The following NTN4 variants were observed in gnomAD, a reference collection of about 807,000 sequenced individuals.
The protein encoded by NTN4 is netrin-4.
Under a neutral mutation model 73.6 loss-of-function variants are expected in NTN4, and 32 were observed. That is an observed-to-expected ratio of 0.44 (90% CI 0.33 to 0.58). The LOEUF is 0.58. Among genes scored for constraint, NTN4 ranks in the 20% least tolerant of loss-of-function variants. The pLI, the probability that NTN4 is intolerant of heterozygous loss-of-function variation, is 0.04. For synonymous variants in NTN4, 258 were observed against 287.5 expected (o/e 0.90, Z 1.04); for missense variants, 654 against 798.3 (o/e 0.82, Z 2.18).
At chr12:95,678,777 AC>A (rs887275149) in intron 7 of NTN4, among the ~76,000 whole-genome samples, 46 of 151,010 alleles carry the variant, frequency 3.0e-4, no homozygotes, top group African/African-American at 1.1e-3. Flanking sequence ...AGCTCAAAAT[AC>A]AAAAAAAAAG....
At chr12:95,672,878 G>C in intron 7 of NTN4, 1 of 1,339,886 alleles carries the variant, frequency 7.5e-7, no homozygotes, top group East Asian at 2.3e-5. Flanking sequence ...AGCCTCCGGG[G>C]CATTGTCAAG....
intron 9 of NTN4, among the ~76,000 whole-genome samples, chr12:95,662,057 T>C (rs746454924): frequency 6.6e-6 from 1 of 152,142 alleles, no homozygotes; most frequent in South Asian, 2.1e-4. Context: ...TATACTATGA[T>C]ATCGTTTTGG....
chr12:95,716,555 T>C (rs1268932948), intron 3 of NTN4, among the ~76,000 whole-genome samples: 5 of 152,130 alleles, frequency 3.3e-5, no homozygotes, highest in African/African-American at 1.2e-4. Flanking sequence ...TTCTCTTTTT[T>C]TAAAAATATT....
Position 95,735,943 on chromosome 12 carries a change from TTATTTA to T in NTN4, c.864+1917_864+1922del, listed in dbSNP as rs1230245507. Among the ~76,000 whole-genome samples, 341 of 150,248 alleles carry T rather than the reference TTATTTA, an allele frequency of 2.3e-3. 1 individual carries two copies. The highest frequency in any genetic ancestry group is 8.0e-3 in the African/African-American group (329 of 40,914). On this transcript the variant is annotated intron_variant, in intron 3 of 9. Transcript: ENST00000343702. ...TTTATTTATTTATTTATTTATTTATTTATTTATTTTTTTGAGACAGAGTCTTGCTTT... is the reference window on the plus strand; with the variant it reads ...TTTATTTATTTATTTATTTATTTATTTTTTTTTGAGACAGAGTCTTGCTTT...
rs911944017 is a variant in NTN4, at chr12:95,672,875, G to A, written c.1511-2729C>T. 1.8e-5 allele frequency: 25 copies of A among 1,353,128 alleles called. No individual in the cohort carries two copies. The South Asian group carries it at 2.2e-4, about 12-fold the overall frequency. 83.8% of individuals were successfully genotyped at this position (1,353,128 alleles called of 1,614,324 possible). A position where few individuals can be genotyped will look rare whatever the true frequency, so the allele number is the denominator to read the frequency against. ...ATTGCAGCCCATGGCAACAGCCTCC[G>A]GGGCATTGTCAAGCATCTGGAAGGT... On this transcript the variant is annotated intron_variant, in intron 7 of 9. Transcript: ENST00000343702.
intron 2 of NTN4, among the ~76,000 whole-genome samples, chr12:95,766,843 G>A (rs890459825): frequency 6.6e-6 from 1 of 152,200 alleles, no homozygotes; most frequent in African/African-American, 2.4e-5. Flanking sequence ...GTATACTGTT[G>A]ACTCACGTTG....
Position 95,698,786 on chromosome 12 carries a change from G to GT in NTN4, c.1180+11654dup, listed in dbSNP as rs575973932. 2.5e-4 allele frequency among the ~76,000 whole-genome samples: 38 copies of GT among 152,078 alleles called. No homozygotes were observed. In the East Asian group the frequency reaches 7.3e-3, roughly 29 times the overall value. ...GCAGGAGAATTGCTTGAGCCCAGGAGTTTGAGGCTGCAATGAGCCATGTTC... is the reference window on the plus strand; with the variant it reads ...GCAGGAGAATTGCTTGAGCCCAGGAGTTTTGAGGCTGCAATGAGCCATGTTC... On this transcript the variant is annotated intron_variant, in intron 5 of 9. Transcript: ENST00000343702.
chr12:95,718,422 G>A (rs2078623576), intron 3 of NTN4, among the ~76,000 whole-genome samples: 1 of 152,204 alleles, frequency 6.6e-6, no homozygotes, highest in Non-Finnish European at 1.5e-5. Context: ...TGCTTACCAA[G>A]ATTGTTGTAG....
chr12:95,765,897 A>C (rs1276091617), intron 2 of NTN4, among the ~76,000 whole-genome samples: 1 of 152,190 alleles, frequency 6.6e-6, no homozygotes, highest in Non-Finnish European at 1.5e-5. Flanking sequence ...TTGAGTGTGC[A>C]ATGAGAGAGA....
intron 3 of NTN4, among the ~76,000 whole-genome samples, chr12:95,722,274 T>C (rs1021539531): frequency 1.3e-5 from 2 of 152,182 alleles, no homozygotes; most frequent in Non-Finnish European, 2.9e-5. Context: ...AAAGCGCAGC[T>C]TGGCCTTTTC....
intron 2 of NTN4, among the ~76,000 whole-genome samples, chr12:95,748,673 G>C (rs1275113058): frequency 6.6e-6 from 1 of 151,970 alleles, no homozygotes; most frequent in Non-Finnish European, 1.5e-5. Context: ...GTTTTACCAT[G>C]TTGGCCAAGC....
intron 7 of NTN4, among the ~76,000 whole-genome samples, chr12:95,678,724 A>C (rs1316373750): frequency 6.6e-6 from 1 of 152,160 alleles, no homozygotes; most frequent in Non-Finnish European, 1.5e-5. Context: ...TAATCCATAC[A>C]TACTGGAATC....
chr12:95,720,344 A>C (rs2078638312), intron 3 of NTN4, among the ~76,000 whole-genome samples: 1 of 152,232 alleles, frequency 6.6e-6, no homozygotes, highest in Non-Finnish European at 1.5e-5. Context: ...TCTGATGGAC[A>C]GACCTGAAAA....
chr12:95,698,931 T>G (rs1317678835), intron 5 of NTN4, among the ~76,000 whole-genome samples: 1 of 152,124 alleles, frequency 6.6e-6, no homozygotes, highest in African/African-American at 2.4e-5. Context: ...ATTTAATCTT[T>G]TTAAAGGATT....
At position 95,677,788 on chromosome 12, in the gene NTN4, A is replaced by G. The variant is rs563088700; in HGVS notation, c.1510+4919T>C. Among the ~76,000 whole-genome samples the G allele has an allele frequency of 8.3e-4, 127 of 152,324 alleles. 1 individual carries two copies. The highest frequency in any genetic ancestry group is 3.4e-3 in the Middle Eastern group (1 of 294). ...TGGAAGACAGTGTGGTGATTCCTCA[A>G]GGGTCTAGAACCAGAAATATCATTT... On this transcript the variant is annotated intron_variant, in intron 7 of 9. Transcript: ENST00000343702.
chr12:95,732,567 C>A (rs2078746409), intron 3 of NTN4, among the ~76,000 whole-genome samples: 1 of 152,038 alleles, frequency 6.6e-6, no homozygotes, highest in Non-Finnish European at 1.5e-5. Flanking sequence ...CCACACCCAG[C>A]TAATTTTTGT....
At chr12:95,786,010 T>C (rs1052732709) in intron 2 of NTN4, among the ~76,000 whole-genome samples, 5 of 152,088 alleles carry the variant, frequency 3.3e-5, no homozygotes, top group African/African-American at 1.2e-4. Context: ...CTAGCAAAAA[T>C]GTCTCCAGAT....
chr12:95,698,250 GCT>G (rs2078456765), intron 5 of NTN4, among the ~76,000 whole-genome samples: 1 of 152,112 alleles, frequency 6.6e-6, no homozygotes, highest in Non-Finnish European at 1.5e-5. Context: ...AGCACATAAA[GCT>G]ATAACTTAGC....
At chr12:95,744,827 G>A (rs1028547731) in intron 2 of NTN4, among the ~76,000 whole-genome samples, 2 of 119,774 alleles carry the variant, frequency 1.7e-5, no homozygotes, top group African/African-American at 6.3e-5. Flanking sequence ...ATCTGCTGGT[G>A]AAAAACTTTT....
Sources: allele counts gnomAD v4.1 joint callset (sites outside exome capture counted in the v4.1 genomes callset), GRCh38; gene constraint gnomAD v4.1.1; transcripts MANE v1.5; gene names NCBI Gene and HGNC (gene_info 2026-07-23, HGNC 2026-07-21).